GREB1: variants seen among roughly 807,000 people sequenced by gnomAD.
The protein encoded by GREB1 is growth regulating estrogen receptor binding 1.
GREB1 carries 106 observed loss-of-function variants against 200.7 expected under a neutral mutation model. That is an observed-to-expected ratio of 0.53 (90% CI 0.45 to 0.62). GREB1 has a LOEUF of 0.62. Ranked by LOEUF, GREB1 falls within the 20% of genes least tolerant of loss-of-function variation. The pLI, the probability that GREB1 is intolerant of heterozygous loss-of-function variation, is 0.00. For synonymous variants in GREB1, 1,132 were observed against 1,092.4 expected (o/e 1.04, Z -0.72); for missense variants, 2,243 against 2,556.8 (o/e 0.88, Z 2.65).
intron 1 of GREB1, among the ~76,000 whole-genome samples, chr2:11,510,195 T>C (rs1011954622): frequency 1.3e-5 from 2 of 152,214 alleles, no homozygotes; most frequent in Non-Finnish European, 2.9e-5. Flanking sequence ...AGTAAATTAG[T>C]AATTTGATAT....
In GREB1 at chr2:11,597,922, G is replaced by T; in HGVS notation, c.2096G>T (p.Cys699Phe). ...TTTGAGAAGGTGGACTTTCTCATTT[G>T]CATTCCCCCCTCAGAAGTGACCTAC... is the stretch of plus-strand genomic sequence containing the variant. ...GSFEKVDFLI[C>F]IPPSEVTYQQ... Residue 699 changes from cysteine (C) to phenylalanine (F), a missense_variant, in exon 14 of 33, where the codon TGC becomes TTC. Physicochemically the swap from Cys to Phe is radical, Grantham distance 205. Coordinates refer to ENST00000381486, the MANE Select transcript of GREB1 (RefSeq NM_014668.4). The surrounding 1 kb of genome is among the most constrained non-coding windows in gnomAD (Gnocchi z 4.1). 1 of 1,614,198 alleles carries T rather than the reference G, an allele frequency of 6.2e-7. No homozygotes were observed. The highest frequency in any genetic ancestry group is 8.5e-7 in the Non-Finnish European group (1 of 1,180,020).
intron 1 of GREB1, among the ~76,000 whole-genome samples, chr2:11,554,392 G>A (rs951862766): frequency 6.6e-6 from 1 of 152,188 alleles, no homozygotes; most frequent in African/African-American, 2.4e-5. Context: ...GGAAATCAAC[G>A]TGACTCTACC....
intron 9 of GREB1, chr2:11,587,990 C>T (rs775383551): frequency 1.1e-6 from 1 of 944,276 alleles, no homozygotes; most frequent in Non-Finnish European, 1.3e-6. Flanking sequence ...CTTTGAGAGG[C>T]CGAGGCGGGT....
chr2:11,621,030 T>G, intron 23 of GREB1, 23 bp downstream of exon 23: 9 of 1,370,870 alleles, frequency 6.6e-6, no homozygotes, highest in Non-Finnish European at 9.4e-6. Context: ...TTTGGGGTTA[T>G]GTGGGCTTGG....
intron 1 of GREB1, among the ~76,000 whole-genome samples, chr2:11,498,788 G>A (rs1249022219): frequency 6.6e-6 from 1 of 152,202 alleles, no homozygotes; most frequent in Non-Finnish European, 1.5e-5. Flanking sequence ...GACTGGGCTG[G>A]GTGCCCGTTT....
In GREB1 at chr2:11,618,702, G is replaced by A; in HGVS notation, c.3827G>A (p.Gly1276Asp). ...YDMVVSTDSS[G>D]LPKAASLLPS... Reference sequence around the variant, plus strand: ...ATGGTTGTGTCCACTGACAGCAGTGGCCTGCCCAAGGCCGCCTCCCTCCTG... The same window carrying A: ...ATGGTTGTGTCCACTGACAGCAGTGACCTGCCCAAGGCCGCCTCCCTCCTG... Residue 1276 changes from glycine (G) to aspartate (D), a missense_variant, in exon 22 of 33, where the codon GGC (glycine) becomes GAC (aspartate). By Grantham distance (94) the Gly-to-Asp change is moderately conservative. This residue lies in a region of GREB1 where 587 missense variants were observed against 553.1 expected (regional missense o/e 1.06). Coordinates refer to ENST00000381486, the MANE Select transcript of GREB1 (RefSeq NM_014668.4). 1.9e-6 allele frequency: 3 copies of A among 1,613,722 alleles called. No individual in the cohort carries two copies. Among genetic ancestry groups the A allele is most frequent in the Middle Eastern group, 3.3e-4 (2 of 6,060 alleles).
chr2:11,510,176 T>C (rs1416428572), intron 1 of GREB1, among the ~76,000 whole-genome samples: 2 of 152,244 alleles, frequency 1.3e-5, no homozygotes, highest in African/African-American at 2.4e-5. Flanking sequence ...TCTTTGTCCC[T>C]GTATATTCAG....
intron 10 of GREB1, among the ~76,000 whole-genome samples, chr2:11,591,018 T>C (rs1680674943): frequency 6.6e-6 from 1 of 151,986 alleles, no homozygotes; most frequent in Admixed American, 6.6e-5. Flanking sequence ...ATAAAAGTCA[T>C]ATTGGAGTGG....
chr2:11,615,917 G>A (rs1237158316), intron 20 of GREB1, among the ~76,000 whole-genome samples: 3 of 152,234 alleles, frequency 2.0e-5, no homozygotes, highest in African/African-American at 7.2e-5. Context: ...GCACCAGCGC[G>A]GGTCTGTGGT....
At chr2:11,583,171 A>G (rs1572805946) in intron 7 of GREB1, among the ~76,000 whole-genome samples, 1 of 152,344 alleles carries the variant, frequency 6.6e-6, no homozygotes, top group Non-Finnish European at 1.5e-5. Flanking sequence ...AGAACTATTT[A>G]TAGGGTTATC....
In GREB1 at chr2:11,492,504, G is replaced by T. The variant is rs773503797; in HGVS notation, c.-159+10123G>T. Among the ~76,000 whole-genome samples the T allele has an allele frequency of 4.6e-5, 7 of 152,136 alleles. No homozygotes were observed. Among genetic ancestry groups the T allele is most frequent in the Non-Finnish European group, 7.3e-5 (5 of 68,028 alleles). On this transcript the variant is annotated intron_variant, in intron 1 of 2. Transcript: ENST00000628795. This position sits in a 1 kb window ranked among gnomAD's most constrained non-coding sequence, Gnocchi z 4.0. ...CTGGAGCCGGCTTTGCATGGCAGAG[G>T]CTCATTCTCTGCTGTGAGAAGTTTG...
rs779001713 is a variant in GREB1, at chr2:11,618,331, C to G, written c.3456C>G (p.Leu1152=). 4.0e-5 allele frequency: 64 copies of G among 1,602,704 alleles called. No individual in the cohort carries two copies. The highest frequency in any genetic ancestry group is 4.9e-5 in the Non-Finnish European group (57 of 1,173,814). Residue 1152 remains leucine, a synonymous_variant, in exon 22 of 33, where the codon CTC becomes CTG. Transcript: ENST00000381486. ...GGESSAQPTA[L]PQGEHARSPQ... is the part of the protein sequence containing the mutation. ...AGTCCTCGGCTCAGCCCACAGCACT[C>G]CCCCAGGGAGAGCATGCCAGGTCGC...
At position 11,597,223 on chromosome 2, in the gene GREB1, A is replaced by G. The variant is rs376419649; in HGVS notation, c.1955-558A>G. ...GTCAGAGGCACATCCACAAGACAGG[A>G]CATCTTTTAGTGTCACAGTAGACCT... On this transcript the variant is annotated intron_variant, in intron 13 of 32. Coordinates refer to ENST00000381486, the MANE Select transcript of GREB1 (RefSeq NM_014668.4). This position sits in a 1 kb window ranked among gnomAD's most constrained non-coding sequence, Gnocchi z 4.1. 2.0e-5 allele frequency among the ~76,000 whole-genome samples: 3 copies of G among 152,096 alleles called. No homozygotes were observed. The highest frequency in any genetic ancestry group is 7.2e-5 in the African/African-American group (3 of 41,388).
chr2:11,483,512 C>T (rs976257835), intron 1 of GREB1, among the ~76,000 whole-genome samples: 1 of 151,530 alleles, frequency 6.6e-6, no homozygotes, highest in African/African-American at 2.4e-5. Context: ...GCCACATGTC[C>T]CCAGCACTTG....
At chr2:11,517,198 C>T (rs1321972606) in intron 1 of GREB1, among the ~76,000 whole-genome samples, 1 of 152,208 alleles carries the variant, frequency 6.6e-6, no homozygotes, top group Non-Finnish European at 1.5e-5. Context: ...CCCGGCCTCC[C>T]TGCCCTTTGC....
chr2:11,525,502 A>G (rs1166273494), intron 1 of GREB1, among the ~76,000 whole-genome samples: 1 of 142,040 alleles, frequency 7.0e-6, no homozygotes, highest in Non-Finnish European at 1.5e-5. Context: ...ATCTCAAAAA[A>G]AAAAAAAAAA....
chr2:11,556,869 G>A (rs1451208520), intron 2 of GREB1, 98 bp downstream of exon 2: 19 of 842,828 alleles, frequency 2.3e-5, no homozygotes, highest in Non-Finnish European at 3.1e-5. Context: ...TGTAGATAAC[G>A]TTGAATCTAG....
Position 11,625,292 on chromosome 2 carries a change from A to G in GREB1, c.4286A>G (p.Tyr1429Cys). ...YEDASLICSH[Y>C]QGIKSEDRGM... ...GATGCCAGCCTGATTTGTTCGCACTATCAGGGTATAAAGAGTGAAGGTCAG... is the reference window on the plus strand; with the variant it reads ...GATGCCAGCCTGATTTGTTCGCACTGTCAGGGTATAAAGAGTGAAGGTCAG... The change falls in exon 24 of 33, where the codon TAT becomes TGT. Residue 1429 changes from tyrosine (Y) to cysteine (C), a missense_variant. Tyr to Cys is a radical substitution (Grantham distance 194). Around this residue, in one of 3 missense-constraint regions of GREB1, gnomAD observed 587 missense variants for 553.1 expected, o/e 1.06. Coordinates refer to ENST00000381486, the MANE Select transcript of GREB1 (RefSeq NM_014668.4). 2 of 1,614,222 alleles carry G rather than the reference A, an allele frequency of 1.2e-6. No homozygotes were observed. Among genetic ancestry groups the G allele is most frequent in the African/African-American group, 1.3e-5 (1 of 75,054 alleles).
At chr2:11,497,325 T>A (rs907242110) in intron 1 of GREB1, among the ~76,000 whole-genome samples, 2 of 152,216 alleles carry the variant, frequency 1.3e-5, no homozygotes, top group Non-Finnish European at 1.5e-5. Flanking sequence ...ATTGCTGAAT[T>A]GTCTTTCATG....
Sources: gnomAD v4.1 joint callset for allele counts (sites outside exome capture counted in the v4.1 genomes callset) on GRCh38, gnomAD v4.1.1 for gene constraint, gnomAD v4.1.1 regional missense constraint, Gnocchi (gnomAD v3.1) non-coding constraint, MANE v1.5 for transcripts, NCBI Gene and HGNC (gene_info 2026-07-23, HGNC 2026-07-21) for gene names.